The following STAG1 variants were observed in gnomAD, a reference collection of about 807,000 sequenced individuals.
STAG1 encodes cohesin subunit SA-1.
A neutral mutation model predicts 170.9 loss-of-function variants in STAG1; 26 were observed. The observed-to-expected ratio is 0.15, with a 90% confidence interval of 0.11 to 0.21. The LOEUF (loss-of-function observed/expected upper bound fraction) is 0.21, where lower values mean the gene tolerates loss of function less well. Ranked by LOEUF, STAG1 falls within the 10% of genes least tolerant of loss-of-function variation. The pLI is 1.00. For missense variants in STAG1, 964 were observed against 1,509.5 expected (o/e 0.64, Z 5.99); for synonymous variants, 514 against 497.7 (o/e 1.03, Z -0.44).
intron 3 of STAG1, among the ~76,000 whole-genome samples, chr3:136,612,725 G>A (rs945249826): frequency 6.6e-6 from 1 of 152,036 alleles, no homozygotes; most frequent in Non-Finnish European, 1.5e-5. Flanking sequence ...GGCCAAATAG[G>A]TCATTCAAAA....
intron 20 of STAG1, 147 bp from the exon 21 acceptor site, chr3:136,418,119 C>T (rs541509654): frequency 2.1e-5 from 13 of 625,016 alleles, no homozygotes; most frequent in South Asian, 5.9e-5. Flanking sequence ...TCTGGAAGGC[C>T]GCGGCTGGCA....
chr3:136,685,284 C>G (rs1164466489), intron 1 of STAG1, among the ~76,000 whole-genome samples: 1 of 152,078 alleles, frequency 6.6e-6, no homozygotes, highest in African/African-American at 2.4e-5. Context: ...CCATTGCATT[C>G]CAGCCTGGGC....
At chr3:136,470,617 C>G (rs979990774) in intron 12 of STAG1, among the ~76,000 whole-genome samples, 2 of 152,118 alleles carry the variant, frequency 1.3e-5, no homozygotes, top group South Asian at 4.1e-4. Context: ...ACCATTTGAC[C>G]CAGCCATCCC....
chr3:136,659,216 C>T (rs1451950058), intron 1 of STAG1, among the ~76,000 whole-genome samples: 2 of 152,146 alleles, frequency 1.3e-5, no homozygotes, highest in Non-Finnish European at 1.5e-5. Context: ...TACAACATTC[C>T]TAAAAGGATT....
At chr3:136,502,315 C>T (rs575373581) in intron 8 of STAG1, among the ~76,000 whole-genome samples, 1 of 145,676 alleles carries the variant, frequency 6.9e-6, no homozygotes, top group South Asian at 2.3e-4. Context: ...GGAAATGTAG[C>T]TTTGCTGGCT....
At chr3:136,582,358 A>T (rs1009971813) in intron 4 of STAG1, among the ~76,000 whole-genome samples, 1 of 152,196 alleles carries the variant, frequency 6.6e-6, no homozygotes, top group Non-Finnish European at 1.5e-5. Flanking sequence ...TTTCACATGT[A>T]ACAGATGCTT....
At chr3:136,428,041 C>T (rs2088185031) in intron 16 of STAG1, among the ~76,000 whole-genome samples, 1 of 151,572 alleles carries the variant, frequency 6.6e-6, no homozygotes, top group Admixed American at 6.6e-5. Context: ...GGATATCTGC[C>T]TGCAAAGGTT....
chr3:136,553,423 A>G (rs1166613980), intron 5 of STAG1, among the ~76,000 whole-genome samples: 4 of 152,232 alleles, frequency 2.6e-5, no homozygotes, highest in Admixed American at 2.0e-4. Flanking sequence ...CTGTCAAAAT[A>G]TATTCTACGC....
intron 14 of STAG1, among the ~76,000 whole-genome samples, chr3:136,446,289 C>T (rs1280288920): frequency 6.6e-6 from 1 of 151,970 alleles, no homozygotes; most frequent in Non-Finnish European, 1.5e-5. Context: ...TCTTATACTC[C>T]TCTTTTCCTT....
chr3:136,423,866 ATTTTTT>A (rs1239302223), intron 16 of STAG1, among the ~76,000 whole-genome samples: 1 of 143,966 alleles, frequency 6.9e-6, no homozygotes, highest in South Asian at 2.2e-4. Context: ...TTTTTTTTTT[ATTTTTT>A]TTTATTTTTG....
chr3:136,592,426 T>C lies in STAG1; in HGVS notation c.297+11883A>G, dbSNP rs957731084. On this transcript the variant is annotated intron_variant, in intron 4 of 33. Transcript: ENST00000383202. ...TATAAAGAGGTACCTTCCACCATGA[T>C]TGTAAGTTTCCTAAGGCCTCCCCAG... 6.6e-5 allele frequency among the ~76,000 whole-genome samples: 10 copies of C among 152,306 alleles called. No individual in the cohort carries two copies. The South Asian group carries it at 1.9e-3, about 28-fold the overall frequency.
rs115359315 is a variant in STAG1 at position 136,685,516 on chromosome 3, G to A, written c.-83-54535C>T. Among the ~76,000 whole-genome samples the A allele has an allele frequency of 7.7e-3, 1,173 of 152,236 alleles. 21 individuals are homozygous for A. Among genetic ancestry groups the A allele is most frequent in the African/African-American group, 0.026 (1,065 of 41,528 alleles). On this transcript the variant is annotated intron_variant, in intron 1 of 33. Coordinates refer to ENST00000383202, the MANE Select transcript of STAG1 (RefSeq NM_005862.3). ...TGAGTTGAAACATATGTCCACACAC[G>A]TTTATAGCAACTTTACACACAACTG...
intron 23 of STAG1, among the ~76,000 whole-genome samples, chr3:136,371,915 G>C (rs1937360537): frequency 6.6e-6 from 1 of 152,120 alleles, no homozygotes; most frequent in Admixed American, 6.6e-5. Flanking sequence ...AGCTTGATGG[G>C]GATGGCATTC....
intron 1 of STAG1, among the ~76,000 whole-genome samples, chr3:136,696,115 T>G (rs1559956633): frequency 2.6e-5 from 4 of 152,206 alleles, no homozygotes; most frequent in Admixed American, 2.6e-4. Flanking sequence ...CATTAATTGC[T>G]TTGATAAAAA....
At position 136,407,845 on chromosome 3, in the gene STAG1, G is replaced by A. The variant is rs561076462; in HGVS notation, c.2197-9016C>T. 2.1e-4 allele frequency among the ~76,000 whole-genome samples: 32 copies of A among 149,570 alleles called. No homozygotes were observed. The Admixed American group carries it at 2.1e-3, about 10-fold the overall frequency. Reference sequence around the variant, plus strand: ...TAGGAGGTGGAGGTTGCAGTGAGCCGAGATCACGCCACTGCACTCCAGCCT... The same window carrying A: ...TAGGAGGTGGAGGTTGCAGTGAGCCAAGATCACGCCACTGCACTCCAGCCT... On this transcript the variant is annotated intron_variant, in intron 21 of 33. Transcript: ENST00000383202.
intron 3 of STAG1, among the ~76,000 whole-genome samples, chr3:136,612,194 C>T (rs563923561): frequency 6.6e-6 from 1 of 152,260 alleles, no homozygotes; most frequent in South Asian, 2.1e-4. Context: ...CAGAAAGTTT[C>T]GAACTTCAGA....
At chr3:136,508,678 C>A (rs1009075711) in intron 7 of STAG1, among the ~76,000 whole-genome samples, 1 of 152,200 alleles carries the variant, frequency 6.6e-6, no homozygotes, top group Non-Finnish European at 1.5e-5. Context: ...CAGAGTGAGA[C>A]CCTGTCTCTA....
chr3:136,486,774 C>T (rs905835410), intron 9 of STAG1, among the ~76,000 whole-genome samples: 1 of 152,066 alleles, frequency 6.6e-6, no homozygotes, highest in African/African-American at 2.4e-5. Context: ...GGAATTACTA[C>T]TAATACTGAG....
At chr3:136,379,816 AACCATTTGCATTT>A (rs1937848795) in intron 22 of STAG1, among the ~76,000 whole-genome samples, 1 of 152,158 alleles carries the variant, frequency 6.6e-6, no homozygotes, top group Admixed American at 6.6e-5. Context: ...AGAAGAATAA[AACCATTTGCATTT>A]ACATAGAAGA....
Sources: allele counts gnomAD v4.1 joint callset (sites outside exome capture counted in the v4.1 genomes callset), GRCh38; gene constraint gnomAD v4.1.1; transcripts MANE v1.5; gene names NCBI Gene and HGNC (gene_info 2026-07-23, HGNC 2026-07-21).